The following NBAS variants were observed in gnomAD, a reference collection of about 807,000 sequenced individuals.
The protein encoded by NBAS is NAG/BC035112 fusion.
In NBAS, 219 loss-of-function variants were observed where a neutral mutation model predicts 302.5. The observed-to-expected ratio is 0.72, with a 90% CI of 0.65 to 0.81. NBAS has a LOEUF of 0.81. Among genes scored for constraint, NBAS ranks in the 30% least tolerant of loss-of-function variants. The pLI is 0.00. For missense variants in NBAS, 2,932 were observed against 2,841.6 expected, an observed-to-expected ratio of 1.03 and a Z score of -0.72; for synonymous variants, 1,118 against 1,021.6, an observed-to-expected ratio of 1.09 and a Z score of -1.80.
At chr2:15,483,353 A>C in intron 12 of NBAS, 1 of 438,958 alleles carries the variant, frequency 2.3e-6, no homozygotes, top group South Asian at 1.7e-5. Context: ...TCATCTACTT[A>C]AGATTAGTCC....
chr2:15,119,071 G>C, the NBAS span, among the ~76,000 whole-genome samples: 1 of 151,994 alleles, frequency 6.6e-6, no homozygotes, highest in Admixed American at 6.6e-5. Context: ...GGGGAGGAAG[G>C]GTGAGAACCA....
At chr2:15,150,919 A>C in the NBAS span, among the ~76,000 whole-genome samples, 1 of 152,344 alleles carries the variant, frequency 6.6e-6, no homozygotes, top group Non-Finnish European at 1.5e-5. Context: ...GTTTGAATCT[A>C]AGAGTAGGCA....
the NBAS span, among the ~76,000 whole-genome samples, chr2:14,909,364 T>C: frequency 1.5e-5 from 1 of 65,582 alleles, no homozygotes. Context: ...GGGGAGAGTT[T>C]CTAAAAAAAA....
chr2:15,112,949 A>T, the NBAS span, among the ~76,000 whole-genome samples: 1 of 152,160 alleles, frequency 6.6e-6, no homozygotes, highest in Non-Finnish European at 1.5e-5. Flanking sequence ...ATGGAGAATA[A>T]GACTAAATGA....
At chr2:15,471,041 C>T (rs982215724) in intron 16 of NBAS, among the ~76,000 whole-genome samples, 4 of 152,180 alleles carry the variant, frequency 2.6e-5, no homozygotes, top group African/African-American at 7.2e-5. Context: ...TTCACAGTCC[C>T]TAGCATAGTG....
chr2:15,508,292 A>G (rs1160184985), intron 10 of NBAS, among the ~76,000 whole-genome samples: 1 of 152,218 alleles, frequency 6.6e-6, no homozygotes, highest in Non-Finnish European at 1.5e-5. Flanking sequence ...GATCAGGACC[A>G]TACATAGCAG....
At chr2:15,044,408 C>T in the NBAS span, among the ~76,000 whole-genome samples, 125,199 of 152,266 alleles carry the variant, frequency 0.82, 51,824 homozygotes, top group East Asian at 0.99. Context: ...ACATTACACA[C>T]ACAGAAGAAT....
At chr2:15,552,321 A>G (rs1223923848) in intron 5 of NBAS, among the ~76,000 whole-genome samples, 1 of 152,220 alleles carries the variant, frequency 6.6e-6, no homozygotes, top group Non-Finnish European at 1.5e-5. Context: ...TGGAATTACT[A>G]TAGTCGACCC....
chr2:15,066,075 A>G, the NBAS span, among the ~76,000 whole-genome samples: 1 of 152,184 alleles, frequency 6.6e-6, no homozygotes, highest in African/African-American at 2.4e-5. Flanking sequence ...AGAAATAAAC[A>G]CACACATTTA....
intron 29 of NBAS, 71 bp downstream of exon 29, chr2:15,383,144 C>G (rs1675121345): frequency 2.3e-6 from 3 of 1,306,852 alleles, no homozygotes; most frequent in Non-Finnish European, 3.3e-6. Context: ...GGTCATCAAT[C>G]TTGTATCCAA....
At chr2:15,518,258 G>T (rs1662499511) in intron 9 of NBAS, among the ~76,000 whole-genome samples, 1 of 152,004 alleles carries the variant, frequency 6.6e-6, no homozygotes, top group Non-Finnish European at 1.5e-5. Flanking sequence ...ATGCATTAAT[G>T]ATTATATCTT....
chr2:14,905,725 G>A, the NBAS span, among the ~76,000 whole-genome samples: 3 of 152,310 alleles, frequency 2.0e-5, no homozygotes, highest in African/African-American at 7.2e-5. Context: ...AGCATTGCAG[G>A]CCACACGTGA....
At position 15,465,247 on chromosome 2, in the gene NBAS, C is replaced by A. The variant is rs571387099; in HGVS notation, c.2097+2082G>T. ...ACAAATCTCTAACTGTATGGAGACT[C>A]CATTCTAATGTCCCCCTTATGGTAC... is the stretch of plus-strand genomic sequence containing the variant. On this transcript the variant is annotated intron_variant, in intron 19 of 51. Coordinates refer to ENST00000281513, the MANE Select transcript of NBAS (RefSeq NM_015909.4). Among the ~76,000 whole-genome samples, 21 of 152,336 alleles carry A rather than the reference C, an allele frequency of 1.4e-4. No individual in the cohort carries two copies. In the East Asian group the frequency reaches 4.0e-3, roughly 29 times the overall value.
chr2:14,802,389 T>C, the NBAS span, among the ~76,000 whole-genome samples: 47 of 151,354 alleles, frequency 3.1e-4, no homozygotes, highest in Non-Finnish European at 4.6e-4. Context: ...TATATCTCTG[T>C]TTTGGTACCA....
At chr2:15,525,049 A>T (rs551201343) in intron 9 of NBAS, among the ~76,000 whole-genome samples, 1 of 152,276 alleles carries the variant, frequency 6.6e-6, no homozygotes, top group East Asian at 1.9e-4. Context: ...TTCAGCATCT[A>T]CCTATATGGC....
chr2:15,346,861 T>C (rs547399524), intron 35 of NBAS, among the ~76,000 whole-genome samples: 1 of 152,318 alleles, frequency 6.6e-6, no homozygotes, highest in African/African-American at 2.4e-5. Context: ...GGGACATAGA[T>C]GAAGCTAGAA....
intron 12 of NBAS, among the ~76,000 whole-genome samples, chr2:15,487,988 C>T (rs1306578278): frequency 6.6e-5 from 10 of 152,086 alleles, no homozygotes; most frequent in Non-Finnish European, 1.0e-4. Flanking sequence ...ACCAGTGAAT[C>T]GAGGAAGAAA....
At chr2:15,189,960 C>G (rs1425950042) in intron 49 of NBAS, among the ~76,000 whole-genome samples, 1 of 152,110 alleles carries the variant, frequency 6.6e-6, no homozygotes, top group African/African-American at 2.4e-5. Context: ...TAAGCCGTGT[C>G]AAGACAGTCA....
intron 44 of NBAS, among the ~76,000 whole-genome samples, 167 bp downstream of exon 44, chr2:15,275,317 T>A (rs367784270): frequency 4.7e-4 from 72 of 152,166 alleles, no homozygotes; most frequent in African/African-American, 1.7e-3. Context: ...AGAAAAAAAA[T>A]TTCCTAATTA....
Sources: allele counts gnomAD v4.1 joint callset (sites outside exome capture counted in the v4.1 genomes callset), GRCh38; gene constraint gnomAD v4.1.1; transcripts MANE v1.5; gene names NCBI Gene and HGNC (gene_info 2026-07-23, HGNC 2026-07-21).